MRPL47: variants seen among roughly 807,000 people sequenced by gnomAD.
MRPL47 encodes the protein large ribosomal subunit protein uL29m.
In MRPL47, 31 loss-of-function variants were observed where a neutral mutation model predicts 34.0. The ratio of observed to expected loss-of-function variants is 0.91; its 90% confidence interval spans 0.68 to 1.23. The LOEUF is 1.23. MRPL47 is among the 50% of genes most tolerant of loss of function. MRPL47 has a pLI of 0.00. For synonymous variants in MRPL47, 106 were observed against 101.6 expected, an observed-to-expected ratio of 1.04 and a Z score of -0.26; for missense variants, 328 against 285.8, an observed-to-expected ratio of 1.15 and a Z score of -1.07.
intron 4 of MRPL47, among the ~76,000 whole-genome samples, chr3:179,595,812 A>G (rs1237462643): frequency 1.3e-5 from 2 of 152,248 alleles, no homozygotes; most frequent in African/African-American, 4.8e-5. Context: ...CTTCTTTTCT[A>G]TAAGTTTCTC....
chr3:179,602,039 CA>C (rs1327396352), intron 2 of MRPL47, among the ~76,000 whole-genome samples: 1 of 152,170 alleles, frequency 6.6e-6, no homozygotes, highest in East Asian at 1.9e-4. Flanking sequence ...ACCCTAATGA[CA>C]AAATACTTTG....
chr3:179,592,662 TAAGGC>T lies in MRPL47; in HGVS notation c.606_610del (p.Pro203CysfsTer10). The stretch of plus-strand genomic sequence containing the variant: ...TGCTCACCTGAGAAAATGGTCCACA[TAAGGC>T]AAGGCAAAGAATCGTTTCCTATTGT... On this transcript the variant is annotated frameshift_variant, in exon 6 of 7. Coordinates refer to ENST00000476781, the MANE Select transcript of MRPL47 (RefSeq NM_020409.3). LOFTEE classifies it high-confidence loss of function. The T allele has an allele frequency of 1.9e-6, 3 of 1,612,332 alleles. No homozygotes were observed. Among genetic ancestry groups the T allele is most frequent in the Non-Finnish European group, 2.5e-6 (3 of 1,178,356 alleles).
intron 3 of MRPL47, among the ~76,000 whole-genome samples, chr3:179,599,754 A>G (rs1718883289): frequency 6.6e-6 from 1 of 152,166 alleles, no homozygotes. Context: ...TAGAAGGGAG[A>G]GCAGAGCAAA....
Position 179,588,960 on chromosome 3 carries a change from C to CGTGCTT in MRPL47, c.659_664dup (p.Ala221_Arg222insGlnAla). On this transcript the variant is annotated inframe_insertion, in exon 7 of 7. Transcript: ENST00000476781. ...TTTCTTTCTCTCTAAATTTTCCTTCCGTGCTTTGATGCGGGCTCGTTTCTC... is the reference window on the plus strand; with the variant it reads ...TTTCTTTCTCTCTAAATTTTCCTTCCGTGCTTGTGCTTTGATGCGGGCTCGTTTCTC... 1 of 1,613,426 alleles carries CGTGCTT rather than the reference C, an allele frequency of 6.2e-7. No homozygotes were observed. The highest frequency in any genetic ancestry group is 1.3e-5 in the African/African-American group (1 of 74,982).
chr3:179,589,639 A>C (rs909960284), intron 6 of MRPL47, among the ~76,000 whole-genome samples: 2 of 152,220 alleles, frequency 1.3e-5, no homozygotes, highest in Non-Finnish European at 2.9e-5. Flanking sequence ...AAAATACAGC[A>C]ATAAAGATGT....
rs140107145 is a variant in MRPL47, at chr3:179,590,510, A to C, written c.630-1515T>G. On this transcript the variant is annotated intron_variant, in intron 6 of 6. Coordinates refer to ENST00000476781, the MANE Select transcript of MRPL47 (RefSeq NM_020409.3). ...TAAATGTGAATAGCAAAGATTTAAA[A>C]GCTGTAGCAACAGAAGAAGCAACAG... Among the ~76,000 whole-genome samples the C allele has an allele frequency of 1.7e-3, 261 of 152,268 alleles. 1 individual carries two copies. Among genetic ancestry groups the C allele is most frequent in the African/African-American group, 6.0e-3 (249 of 41,552 alleles).
chr3:179,592,221 G>A (rs1216615039), intron 6 of MRPL47, among the ~76,000 whole-genome samples: 7 of 152,006 alleles, frequency 4.6e-5, no homozygotes, highest in African/African-American at 1.7e-4. Flanking sequence ...TTGAGACGGA[G>A]TCTCACTCTG....
At chr3:179,593,102 C>T (rs1268522495) in intron 5 of MRPL47, among the ~76,000 whole-genome samples, 1 of 152,106 alleles carries the variant, frequency 6.6e-6, no homozygotes, top group African/African-American at 2.4e-5. Context: ...TTGGGTTGAA[C>T]AGCCTCCCCA....
Position 179,592,645 on chromosome 3 carries a change from T to C in MRPL47, c.628A>G (p.Arg210Gly). ...FALPYVDHFL[R>G]LEREKRARIK... ...TTTATTAAAGGTGCTTGTGCTCACC[T>C]GAGAAAATGGTCCACATAAGGCAAG... The change falls in exon 6 of 7, where the codon AGA (arginine) becomes GGA (glycine). Residue 210 changes from arginine to glycine, a missense_variant and splice_region_variant. Transcript: ENST00000476781. 1 of 1,596,754 alleles carries C rather than the reference T, an allele frequency of 6.3e-7. No homozygotes were observed. The highest frequency in any genetic ancestry group is 8.6e-7 in the Non-Finnish European group (1 of 1,164,322).
At position 179,598,432 on chromosome 3, in the gene MRPL47, A is replaced by AC. The variant is rs1362058163; in HGVS notation, c.402+242_402+243insG. 3.3e-5 allele frequency among the ~76,000 whole-genome samples: 5 copies of AC among 151,682 alleles called. No homozygotes were observed. In the East Asian group the frequency reaches 7.8e-4, roughly 24 times the overall value. On this transcript the variant is annotated intron_variant, in intron 4 of 6. Transcript: ENST00000476781. Reference sequence around the variant, plus strand: ...CACACACACACACACACACAAACAAAAAAAAAAAAACAAAAAACACGTTGC... The same window carrying AC: ...CACACACACACACACACACAAACAAACAAAAAAAAAACAAAAAACACGTTGC...
In MRPL47 at chr3:179,598,659, C is replaced by T. The variant is rs746747158; in HGVS notation, c.402+16G>A. ...GTAATCATGTATACCAGTCTCCAGCCTCTCCCAATCCTTACCTTATCTAAC... is the reference window on the plus strand; with the variant it reads ...GTAATCATGTATACCAGTCTCCAGCTTCTCCCAATCCTTACCTTATCTAAC... On this transcript the variant is annotated intron_variant, in intron 4 of 6. Transcript: ENST00000476781. 4 of 1,532,058 alleles carry T rather than the reference C, an allele frequency of 2.6e-6. No individual in the cohort carries two copies. The highest frequency in any genetic ancestry group is 1.7e-4 in the Middle Eastern group (1 of 5,912). 94.9% of individuals were successfully genotyped at this position (1,532,058 alleles called of 1,614,324 possible).
At chr3:179,594,920 A>C (rs999066920) in intron 4 of MRPL47, among the ~76,000 whole-genome samples, 2 of 152,258 alleles carry the variant, frequency 1.3e-5, no homozygotes, top group Admixed American at 1.3e-4. Context: ...GATATCAAAT[A>C]CTGCATAAGC....
At chr3:179,596,713 G>A (rs1251469026) in intron 4 of MRPL47, among the ~76,000 whole-genome samples, 1 of 152,126 alleles carries the variant, frequency 6.6e-6, no homozygotes, top group African/African-American at 2.4e-5. Context: ...GTTTGGTGGT[G>A]CAATCGTGGC....
In MRPL47 at chr3:179,602,741, T is replaced by C; in HGVS notation, c.155A>G (p.Tyr52Cys). ...STPNVTSFHQ[Y>C]RLLHTTLSRK... ...TGACAATGTGGTATGAAGTAATCTA[T>C]ATTGGTGAAAGGATGTCACATTTGG... is the stretch of plus-strand genomic sequence containing the variant. The change falls in exon 2 of 7, where the codon TAT becomes TGT. Residue 52 changes from tyrosine (Y) to cysteine (C), a missense_variant. Tyr to Cys is a radical substitution (Grantham distance 194). Coordinates refer to ENST00000476781, the MANE Select transcript of MRPL47 (RefSeq NM_020409.3). 6.2e-7 allele frequency: 1 copy of C among 1,612,392 alleles called. No individual in the cohort carries two copies. Among genetic ancestry groups the C allele is most frequent in the Non-Finnish European group, 8.5e-7 (1 of 1,179,478 alleles).
chr3:179,598,430 A>ACACACACAC (rs1491589511), intron 4 of MRPL47, among the ~76,000 whole-genome samples: 1 of 114,170 alleles, frequency 8.8e-6, no homozygotes, highest in Non-Finnish European at 1.8e-5. Flanking sequence ...ACACACAAAC[A>ACACACACAC]AAAAAAAAAA....
intron 6 of MRPL47, among the ~76,000 whole-genome samples, chr3:179,591,139 C>T (rs1387811068): frequency 2.6e-5 from 4 of 152,096 alleles, no homozygotes; most frequent in African/African-American, 4.8e-5. Context: ...AAAAGTAGAA[C>T]GTATTATTCA....
intron 3 of MRPL47, among the ~76,000 whole-genome samples, chr3:179,601,158 T>C (rs940740291): frequency 5.3e-5 from 8 of 152,186 alleles, no homozygotes; most frequent in Admixed American, 3.3e-4. Flanking sequence ...ATGCCTGTAA[T>C]CCCAGGATGT....
At chr3:179,599,416 G>A (rs956580685) in intron 3 of MRPL47, among the ~76,000 whole-genome samples, 5 of 152,198 alleles carry the variant, frequency 3.3e-5, no homozygotes, top group African/African-American at 1.2e-4. Flanking sequence ...CAGACAATGT[G>A]TTAAACATTT....
chr3:179,596,674 C>T (rs1278075564), intron 4 of MRPL47, among the ~76,000 whole-genome samples: 2 of 152,126 alleles, frequency 1.3e-5, no homozygotes, highest in African/African-American at 4.8e-5. Context: ...TTTATTGAGA[C>T]AGGGTCTTGC....
Sources: allele counts gnomAD v4.1 joint callset (sites outside exome capture counted in the v4.1 genomes callset), GRCh38; gene constraint gnomAD v4.1.1; transcripts MANE v1.5; gene names NCBI Gene and HGNC (gene_info 2026-07-23, HGNC 2026-07-21).